Variants in PCDHA5 observed in about 807,000 individuals in gnomAD.
PCDHA5 encodes protocadherin alpha-5.
PCDHA5 carries 43 observed loss-of-function variants against 61.6 expected under a neutral mutation model. The observed-to-expected ratio is 0.70, with a 90% confidence interval of 0.55 to 0.90. The LOEUF is 0.90. Ranked by LOEUF, PCDHA5 falls within the 40% of genes least tolerant of loss-of-function variation. PCDHA5 has a pLI of 0.00. For synonymous variants in PCDHA5, 627 were observed against 543.9 expected, an observed-to-expected ratio of 1.15 and a Z score of -2.13; for missense variants, 1,298 against 1,222.7, an observed-to-expected ratio of 1.06 and a Z score of -0.92.
chr5:140,851,348 A>G (rs2042033345), intron 1 of PCDHA5: 1 of 977,536 alleles, frequency 1.0e-6, no homozygotes, highest in African/African-American at 1.7e-5. Context: ...ATTTCTCTGG[A>G]TGGAGACTGT....
In PCDHA5 at chr5:140,847,905, T is replaced by C. The variant is rs2150241062; in HGVS notation, c.2352+23778T>C. 2 of 150,078 alleles carry C rather than the reference T, an allele frequency of 1.3e-5. 1 individual carries two copies. The highest frequency in any genetic ancestry group is 4.2e-4 in the South Asian group (2 of 4,724). The allele number at this position is 150,078 out of a possible 1,614,324, so 9.3% of individuals were successfully genotyped here. A position where few individuals can be genotyped will look rare whatever the true frequency, so the allele number is the denominator to read the frequency against. ...AGTTTCTTTTTCATCAGTAGATTTC[T>C]GGGCTCCTATATTCACTAGAGATTG... is the stretch of plus-strand genomic sequence containing the variant. On this transcript the variant is annotated intron_variant, in intron 1 of 3. Coordinates refer to ENST00000529859, the MANE Select transcript of PCDHA5 (RefSeq NM_018908.3).
At chr5:140,966,246 G>T (rs184430396) in intron 1 of PCDHA5, 5 of 319,412 alleles carry the variant, frequency 1.6e-5, no homozygotes, top group African/African-American at 6.4e-5. Flanking sequence ...TTAAGCAGGG[G>T]AGAGACGGTG....
chr5:140,835,505 G>A (rs2150237079), intron 1 of PCDHA5: 1 of 1,613,954 alleles, frequency 6.2e-7, no homozygotes, highest in Admixed American at 1.7e-5. Flanking sequence ...TGATTAGCGT[G>A]TTTGACCGAG....
At chr5:140,877,177 C>A (rs1554169414) in intron 1 of PCDHA5, 1 of 1,613,802 alleles carries the variant, frequency 6.2e-7, no homozygotes. Context: ...GCTGGCGACT[C>A]CGGCTGGCAG....
chr5:140,927,127 G>C (rs1202029150), intron 1 of PCDHA5: 1 of 1,613,964 alleles, frequency 6.2e-7, no homozygotes, highest in Non-Finnish European at 8.5e-7. Context: ...GGTGGTCAGA[G>C]AGCCGGCGGA....
chr5:140,899,268 C>T (rs2067238736), intron 1 of PCDHA5, among the ~76,000 whole-genome samples: 1 of 152,078 alleles, frequency 6.6e-6, no homozygotes, highest in Non-Finnish European at 1.5e-5. Context: ...TGTCTTGTGG[C>T]AGTTTTCAAA....
At chr5:140,914,944 CTTTT>C (rs35695909) in intron 1 of PCDHA5, among the ~76,000 whole-genome samples, 298 of 128,244 alleles carry the variant, frequency 2.3e-3, no homozygotes, top group African/African-American at 8.2e-3. Flanking sequence ...GAAAAGTTGT[CTTTT>C]TTTTTTTTTT....
intron 1 of PCDHA5, among the ~76,000 whole-genome samples, chr5:140,872,191 T>A (rs1168972133): frequency 1.3e-5 from 2 of 152,162 alleles, no homozygotes; most frequent in Non-Finnish European, 1.5e-5. Flanking sequence ...GTGTTAAACG[T>A]TCATCATAAA....
chr5:140,848,170 G>A, intron 1 of PCDHA5: 1 of 259,584 alleles, frequency 3.9e-6, no homozygotes, highest in Non-Finnish European at 7.4e-6. Flanking sequence ...GAAGGCTCCA[G>A]CAAGAGAAAC....
At chr5:140,949,963 A>G (rs1044562957) in intron 1 of PCDHA5, among the ~76,000 whole-genome samples, 1 of 151,750 alleles carries the variant, frequency 6.6e-6, no homozygotes, top group African/African-American at 2.4e-5. Context: ...TGCTGTAAGG[A>G]TTACAGCATA....
rs114173550 is a variant in PCDHA5, at chr5:140,996,928, G to T, written c.2501-12699G>T. Among the ~76,000 whole-genome samples the T allele has an allele frequency of 1.8e-3, 279 of 152,148 alleles. 1 individual carries two copies. Among genetic ancestry groups the T allele is most frequent in the Non-Finnish European group, 3.0e-3 (203 of 67,996 alleles). ...GTTGAAGTAAATATTAAAAAATATA[G>T]CATTTTTGCATAGAAATATTTATTT... On this transcript the variant is annotated intron_variant, in intron 3 of 3. Coordinates refer to ENST00000529859, the MANE Select transcript of PCDHA5 (RefSeq NM_018908.3).
At chr5:140,853,997 T>C in intron 1 of PCDHA5, 1 of 465,218 alleles carries the variant, frequency 2.1e-6, no homozygotes, top group Non-Finnish European at 2.9e-6. Flanking sequence ...GACTCATCTC[T>C]GCCAAAAAAA....
chr5:140,829,433 A>C (rs2150167809), intron 1 of PCDHA5: 1 of 1,614,022 alleles, frequency 6.2e-7, no homozygotes, highest in Non-Finnish European at 8.5e-7. Context: ...GGTGGCCGAC[A>C]TGAATGACAA....
intron 1 of PCDHA5, chr5:140,884,108 G>A (rs782424793): frequency 3.1e-6 from 5 of 1,613,286 alleles, no homozygotes; most frequent in Admixed American, 3.3e-5. Context: ...ATTGCAGCTG[G>A]CGGCGGTCGG....
intron 1 of PCDHA5, among the ~76,000 whole-genome samples, chr5:140,831,814 A>G (rs1771713108): frequency 6.6e-6 from 1 of 152,202 alleles, no homozygotes; most frequent in Non-Finnish European, 1.5e-5. Context: ...TAAAGTTGGA[A>G]TGATAAACAC....
At chr5:140,927,524 C>T in intron 1 of PCDHA5, 3 of 1,614,104 alleles carry the variant, frequency 1.9e-6, no homozygotes, top group Non-Finnish European at 2.5e-6. Flanking sequence ...GGCGGGCTAC[C>T]TGCCCGCTCA....
At chr5:140,851,138 G>T in intron 1 of PCDHA5, 2 of 1,312,402 alleles carry the variant, frequency 1.5e-6, no homozygotes, top group Non-Finnish European at 2.0e-6. Context: ...TGTGATTAAA[G>T]TGACATTGAA....
At position 140,835,704 on chromosome 5, in the gene PCDHA5, G is replaced by T. The variant is rs2150242538; in HGVS notation, c.2352+11577G>T. 4 of 1,613,774 alleles carry T rather than the reference G, an allele frequency of 2.5e-6. No homozygotes were observed. The Admixed American group carries it at 6.7e-5, about 27-fold the overall frequency. Reference sequence around the variant, plus strand: ...GCCTTCTCTGTGGGCCACTGCTAGCGTGTCCGTGGAGGTGGCCGACGTGAA... The same window carrying T: ...GCCTTCTCTGTGGGCCACTGCTAGCTTGTCCGTGGAGGTGGCCGACGTGAA... On this transcript the variant is annotated intron_variant, in intron 1 of 3. Coordinates refer to ENST00000529859, the MANE Select transcript of PCDHA5 (RefSeq NM_018908.3).
At chr5:140,953,952 C>G (rs1025145135) in intron 1 of PCDHA5, among the ~76,000 whole-genome samples, 1 of 152,084 alleles carries the variant, frequency 6.6e-6, no homozygotes, top group Non-Finnish European at 1.5e-5. Flanking sequence ...GCTCCCCCAA[C>G]AGGCCCCAGT....
Sources: allele counts gnomAD v4.1 joint callset (sites outside exome capture counted in the v4.1 genomes callset), GRCh38; gene constraint gnomAD v4.1.1; transcripts MANE v1.5; gene names NCBI Gene and HGNC (gene_info 2026-07-23, HGNC 2026-07-21).